Variants in C8orf34 observed in about 807,000 individuals in gnomAD.
C8orf34 encodes chromosome 8 open reading frame 34, also known as uncharacterized protein C8orf34.
C8orf34 carries 65 observed loss-of-function variants against 68.3 expected under a neutral mutation model. The observed-to-expected ratio is 0.95, with a 90% CI of 0.78 to 1.17. C8orf34 has a LOEUF of 1.17. Among genes scored for constraint, C8orf34 ranks in the 50% most tolerant of loss-of-function variants. C8orf34 has a pLI of 0.00. For synonymous variants in C8orf34, 244 were observed against 241.2 expected, an observed-to-expected ratio of 1.01 and a Z score of -0.11; for missense variants, 664 against 655.4, an observed-to-expected ratio of 1.01 and a Z score of -0.14.
intron 7 of C8orf34, chr8:68,534,532 G>A (rs912872605): frequency 1.3e-6 from 1 of 752,112 alleles, no homozygotes; most frequent in Non-Finnish European, 1.6e-6. Context: ...GTGTATAGGG[G>A]TAACACCTAA....
intron 8 of C8orf34, among the ~76,000 whole-genome samples, chr8:68,643,208 C>A (rs1194936119): frequency 3.3e-5 from 5 of 152,194 alleles, no homozygotes; most frequent in African/African-American, 4.8e-5. Flanking sequence ...TTTTGTCATA[C>A]GTTGATGTGA....
intron 11 of C8orf34, among the ~76,000 whole-genome samples, chr8:68,781,378 A>T (rs1823675349): frequency 6.6e-6 from 1 of 151,946 alleles, no homozygotes; most frequent in Non-Finnish European, 1.5e-5. Context: ...ATTTCCCACC[A>T]CTCCTAGTCC....
intron 1 of C8orf34, among the ~76,000 whole-genome samples, chr8:68,410,331 A>AAACAATAAAAAATAACAGTAC (rs1809392521): frequency 6.6e-6 from 1 of 152,226 alleles, no homozygotes; most frequent in Admixed American, 6.5e-5. Context: ...AGAAAACCCA[A>AAACAATAAAAAATAACAGTAC]AACAATAAAA....
At chr8:68,701,493 C>T (rs191177415) in intron 8 of C8orf34, among the ~76,000 whole-genome samples, 4 of 151,916 alleles carry the variant, frequency 2.6e-5, no homozygotes, top group African/African-American at 9.7e-5. Flanking sequence ...AGTTCTGTTG[C>T]TCAGGTCAGA....
chr8:68,589,383 AAG>A (rs1031072331), intron 7 of C8orf34, among the ~76,000 whole-genome samples: 12 of 152,006 alleles, frequency 7.9e-5, no homozygotes, highest in East Asian at 5.8e-4. Flanking sequence ...GAGAAAAAGA[AAG>A]AGGGGAAGGA....
intron 5 of C8orf34, among the ~76,000 whole-genome samples, chr8:68,488,606 A>T (rs1222893438): frequency 6.6e-6 from 1 of 152,164 alleles, no homozygotes; most frequent in East Asian, 1.9e-4. Flanking sequence ...TGCAGAACAA[A>T]TCAGTCAATG....
chr8:68,788,348 G>A (rs1823901328), intron 12 of C8orf34, among the ~76,000 whole-genome samples: 1 of 152,122 alleles, frequency 6.6e-6, no homozygotes, highest in South Asian at 2.1e-4. Flanking sequence ...TACACTTCCA[G>A]GTTAAAAGCC....
chr8:68,365,012 GA>G (rs1014059634), intron 1 of C8orf34, among the ~76,000 whole-genome samples: 15 of 150,734 alleles, frequency 1.0e-4, no homozygotes, highest in African/African-American at 3.2e-4. Context: ...GATTAATAAA[GA>G]AAAAAAGAGA....
intron 7 of C8orf34, among the ~76,000 whole-genome samples, chr8:68,566,611 T>C (rs1022575839): frequency 1.3e-5 from 2 of 152,224 alleles, no homozygotes; most frequent in Non-Finnish European, 2.9e-5. Context: ...CCTCATAGAA[T>C]TGAAGAGAGT....
intron 3 of C8orf34, among the ~76,000 whole-genome samples, chr8:68,454,588 A>G (rs998817952): frequency 3.3e-5 from 5 of 151,956 alleles, no homozygotes; most frequent in African/African-American, 1.2e-4. Flanking sequence ...ATTTTCTTAA[A>G]GTTTGTAGTA....
At position 68,330,989 on chromosome 8, in the gene C8orf34, G is replaced by C. The variant is rs1306181004; in HGVS notation, c.-24G>C. 1 of 1,381,210 alleles carries C rather than the reference G, an allele frequency of 7.2e-7. No homozygotes were observed. Among genetic ancestry groups the C allele is most frequent in the African/African-American group, 1.5e-5 (1 of 65,154 alleles). The allele number at this position is 1,381,210 out of a possible 1,614,324, so 85.6% of individuals were successfully genotyped here. On this transcript the variant is annotated 5_prime_UTR_variant, in exon 1 of 14. Coordinates refer to ENST00000518698, the MANE Select transcript of C8orf34 (RefSeq NM_052958.4). ...GGCGCTGCGGAGAGCGGCGAGGGTG[G>C]GCGCGAGGCGGAGAACGCGATGAAT...
chr8:68,605,963 G>C (rs986676861), intron 7 of C8orf34, among the ~76,000 whole-genome samples: 1 of 152,052 alleles, frequency 6.6e-6, no homozygotes, highest in African/African-American at 2.4e-5. Flanking sequence ...GGTGTGTGTG[G>C]GGGGCAGGAG....
At chr8:68,403,194 G>A (rs1809034150) in intron 1 of C8orf34, among the ~76,000 whole-genome samples, 1 of 152,160 alleles carries the variant, frequency 6.6e-6, no homozygotes, top group African/African-American at 2.4e-5. Flanking sequence ...GCCCATAGGG[G>A]AGGCCAGTGG....
At chr8:68,517,977 C>T (rs1814590110) in intron 5 of C8orf34, among the ~76,000 whole-genome samples, 1 of 152,082 alleles carries the variant, frequency 6.6e-6, no homozygotes, top group African/African-American at 2.4e-5. Flanking sequence ...GTTTCTCTGC[C>T]CTTATTGACT....
chr8:68,744,392 T>A (rs1181687906), intron 10 of C8orf34, among the ~76,000 whole-genome samples: 6 of 152,174 alleles, frequency 3.9e-5, no homozygotes, highest in African/African-American at 1.4e-4. Flanking sequence ...GAGAATGACT[T>A]TGACGAGCTG....
At chr8:68,383,373 T>C (rs1808124379) in intron 1 of C8orf34, among the ~76,000 whole-genome samples, 1 of 152,222 alleles carries the variant, frequency 6.6e-6, no homozygotes, top group African/African-American at 2.4e-5. Flanking sequence ...ATCCCTGTGA[T>C]GGTGACTGGT....
chr8:68,348,160 A>G (rs1382182286), intron 1 of C8orf34, among the ~76,000 whole-genome samples: 1 of 152,086 alleles, frequency 6.6e-6, no homozygotes, highest in Non-Finnish European at 1.5e-5. Flanking sequence ...GCAGGAGTCC[A>G]TCTTCAATCA....
At chr8:68,662,074 A>G (rs1226948635) in intron 8 of C8orf34, among the ~76,000 whole-genome samples, 1 of 152,170 alleles carries the variant, frequency 6.6e-6, no homozygotes, top group Non-Finnish European at 1.5e-5. Flanking sequence ...AGACGATTGA[A>G]GTTTTTACAA....
intron 4 of C8orf34, among the ~76,000 whole-genome samples, chr8:68,484,212 C>T (rs1812980281): frequency 6.6e-6 from 1 of 152,174 alleles, no homozygotes; most frequent in Non-Finnish European, 1.5e-5. Context: ...CAAAGGACCA[C>T]ATCATTTGAG....
Sources: gnomAD v4.1 joint callset for allele counts (sites outside exome capture counted in the v4.1 genomes callset) on GRCh38, gnomAD v4.1.1 for gene constraint, MANE v1.5 for transcripts, NCBI Gene and HGNC (gene_info 2026-07-23, HGNC 2026-07-21) for gene names.